Variants in SNX29 observed in about 807,000 individuals in gnomAD.
SNX29 encodes the protein sorting nexin-29.
In SNX29, 78 loss-of-function variants were observed where a neutral mutation model predicts 102.1. The ratio of observed to expected loss-of-function variants is 0.76; its 90% CI spans 0.64 to 0.92. SNX29 has a LOEUF of 0.92. Ranked by LOEUF, SNX29 falls within the 40% of genes least tolerant of loss-of-function variation. SNX29 has a pLI of 0.00. For synonymous variants in SNX29, 580 were observed against 414.5 expected, an observed-to-expected ratio of 1.40 and a Z score of -4.85; for missense variants, 1,280 against 1,061.7, an observed-to-expected ratio of 1.21 and a Z score of -2.86.
At chr16:12,236,763 A>G (rs905663202) in intron 14 of SNX29, among the ~76,000 whole-genome samples, 7 of 152,188 alleles carry the variant, frequency 4.6e-5, no homozygotes, top group Non-Finnish European at 5.9e-5. Context: ...CTGTGCTGAC[A>G]TTAGTCTGAG....
chr16:12,551,709 C>T (rs1281468401), intron 20 of SNX29, among the ~76,000 whole-genome samples: 5 of 152,182 alleles, frequency 3.3e-5, no homozygotes, highest in African/African-American at 1.2e-4. Context: ...AGGTGGTGAG[C>T]CAACTTGTGA....
chr16:12,384,264 A>G (rs1366705584), intron 16 of SNX29, among the ~76,000 whole-genome samples: 1 of 152,134 alleles, frequency 6.6e-6, no homozygotes, highest in Non-Finnish European at 1.5e-5. Context: ...ATCATATGGT[A>G]GCTCTATTTT....
intron 14 of SNX29, among the ~76,000 whole-genome samples, chr16:12,223,433 G>T (rs1009865656): frequency 6.6e-6 from 1 of 152,120 alleles, no homozygotes; most frequent in African/African-American, 2.4e-5. Flanking sequence ...AGGCTGAGGA[G>T]GGTGGATCAC....
chr16:12,244,141 G>A (rs1440361502), intron 14 of SNX29, among the ~76,000 whole-genome samples: 1 of 152,130 alleles, frequency 6.6e-6, no homozygotes, highest in African/African-American at 2.4e-5. Flanking sequence ...AGGAGGTGGA[G>A]CTCAGGCGGT....
Position 12,555,316 on chromosome 16 carries a change from C to A in SNX29, c.2319-13190C>A, listed in dbSNP as rs181739623. On this transcript the variant is annotated intron_variant, in intron 20 of 20. Transcript: ENST00000566228. Reference sequence around the variant, plus strand: ...GCTGTCCAGTCAATCCCTCTCATAGCCCCAGTGTTTCTTGGCACCTGAGAA... The same window carrying A: ...GCTGTCCAGTCAATCCCTCTCATAGACCCAGTGTTTCTTGGCACCTGAGAA... 6.2e-4 allele frequency among the ~76,000 whole-genome samples: 94 copies of A among 151,704 alleles called. 1 individual carries two copies. Among genetic ancestry groups the A allele is most frequent in the African/African-American group, 2.2e-3 (89 of 41,384 alleles).
At chr16:12,354,620 G>T (rs982554583) in intron 15 of SNX29, among the ~76,000 whole-genome samples, 6 of 152,210 alleles carry the variant, frequency 3.9e-5, no homozygotes, top group African/African-American at 1.2e-4. Flanking sequence ...GTATTTAGCA[G>T]TAATATCGGC....
At chr16:12,220,083 G>A (rs2077436058) in intron 14 of SNX29, among the ~76,000 whole-genome samples, 2 of 152,192 alleles carry the variant, frequency 1.3e-5, no homozygotes, top group African/African-American at 2.4e-5. Context: ...GGTCTCTTGC[G>A]ACCTGCAGCC....
At chr16:12,192,954 G>A (rs1354482283) in intron 13 of SNX29, among the ~76,000 whole-genome samples, 2 of 151,942 alleles carry the variant, frequency 1.3e-5, no homozygotes, top group African/African-American at 4.8e-5. Context: ...CACCTGCCTC[G>A]GCCTCCCAAA....
Position 12,553,911 on chromosome 16 carries a change from T to C in SNX29, c.2319-14595T>C, listed in dbSNP as rs200289919. Among the ~76,000 whole-genome samples, 12 of 152,276 alleles carry C rather than the reference T, an allele frequency of 7.9e-5. No homozygotes were observed. In the East Asian group the frequency reaches 2.1e-3, roughly 27 times the overall value. On this transcript the variant is annotated intron_variant, in intron 20 of 20. Coordinates refer to ENST00000566228, the MANE Select transcript of SNX29 (RefSeq NM_032167.5). ...TAGGCTGGAGTGCAGTGGCATGATC[T>C]CCGCCTCCTGGGTTCAAGCAATTCT... is the stretch of plus-strand genomic sequence containing the variant.
intron 13 of SNX29, among the ~76,000 whole-genome samples, chr16:12,170,321 G>GT (rs2076116902): frequency 6.6e-6 from 1 of 152,006 alleles, no homozygotes; most frequent in Admixed American, 6.6e-5. Context: ...CTCAGTGAAC[G>GT]TGTGTATGTG....
chr16:12,242,848 G>A (rs952086553), intron 14 of SNX29, among the ~76,000 whole-genome samples: 1 of 151,932 alleles, frequency 6.6e-6, no homozygotes, highest in African/African-American at 2.4e-5. Context: ...TTTTGGTAGT[G>A]ACAGGGTTTT....
intron 18 of SNX29, among the ~76,000 whole-genome samples, chr16:12,419,446 C>T (rs967295610): frequency 1.3e-5 from 2 of 152,080 alleles, no homozygotes; most frequent in Non-Finnish European, 2.9e-5. Flanking sequence ...CTCTTGGTTG[C>T]GGGAGGAGGA....
chr16:12,412,210 C>T (rs2084426765), intron 18 of SNX29, among the ~76,000 whole-genome samples: 1 of 152,166 alleles, frequency 6.6e-6, no homozygotes, highest in African/African-American at 2.4e-5. Flanking sequence ...CTTACAGCAA[C>T]CTATGGGGTA....
intron 1 of SNX29, among the ~76,000 whole-genome samples, chr16:11,982,369 GTTTTGTC>G (rs1288528966): frequency 2.3e-4 from 34 of 150,582 alleles, no homozygotes; most frequent in Admixed American, 2.1e-3. Context: ...TTATACTCAA[GTTTTGTC>G]TTTTGTAAGT....
At chr16:12,211,260 T>C (rs1173217897) in intron 14 of SNX29, among the ~76,000 whole-genome samples, 1 of 152,106 alleles carries the variant, frequency 6.6e-6, no homozygotes, top group Non-Finnish European at 1.5e-5. Flanking sequence ...ACTAAACATA[T>C]AAGCAAGCAG....
chr16:12,568,184 G>A (rs573536331), intron 20 of SNX29, among the ~76,000 whole-genome samples: 28 of 152,044 alleles, frequency 1.8e-4, no homozygotes, highest in Middle Eastern at 3.4e-3. Flanking sequence ...CAAGGAAAAT[G>A]TGGGGAAGAA....
intron 13 of SNX29, among the ~76,000 whole-genome samples, chr16:12,144,090 C>G (rs965359968): frequency 1.3e-5 from 2 of 152,138 alleles, no homozygotes; most frequent in Non-Finnish European, 2.9e-5. Flanking sequence ...TTCTAATAAG[C>G]TCCCAGGTGA....
At chr16:12,465,834 TTGTG>T (rs1173526892) in intron 18 of SNX29, among the ~76,000 whole-genome samples, 2 of 139,168 alleles carry the variant, frequency 1.4e-5, no homozygotes, top group Non-Finnish European at 3.0e-5. Context: ...TTCCATTTGT[TTGTG>T]TTTTTTTTTT....
intron 11 of SNX29, among the ~76,000 whole-genome samples, chr16:12,125,979 A>G (rs979223285): frequency 6.6e-6 from 1 of 152,064 alleles, no homozygotes; most frequent in Non-Finnish European, 1.5e-5. Flanking sequence ...TCTGGGGCTG[A>G]TTTCCCATAT....
Sources: gnomAD v4.1 joint callset for allele counts (sites outside exome capture counted in the v4.1 genomes callset) on GRCh38, gnomAD v4.1.1 for gene constraint, MANE v1.5 for transcripts, NCBI Gene and HGNC (gene_info 2026-07-23, HGNC 2026-07-21) for gene names.